The following CENPP variants were observed in gnomAD, a reference collection of about 807,000 sequenced individuals.
CENPP encodes centromere protein P.
In CENPP, 24 loss-of-function variants were observed where a neutral mutation model predicts 35.6. The observed-to-expected ratio is 0.67, with a 90% confidence interval of 0.49 to 0.95. The LOEUF (loss-of-function observed/expected upper bound fraction) is 0.95. Among genes scored for constraint, CENPP ranks in the 40% least tolerant of loss-of-function variants. CENPP has a pLI of 0.00. For synonymous variants in CENPP, 120 were observed against 125.5 expected (o/e 0.96, Z 0.29); for missense variants, 332 against 345.3 (o/e 0.96, Z 0.31).
chr9:92,433,505 A>G (rs1844170209), intron 5 of CENPP, among the ~76,000 whole-genome samples: 2 of 152,214 alleles, frequency 1.3e-5, no homozygotes, highest in South Asian at 2.1e-4. Context: ...TACATTAGGC[A>G]GAAAGATTAC....
At chr9:92,510,201 T>C (rs1029439329) in intron 5 of CENPP, among the ~76,000 whole-genome samples, 2 of 152,222 alleles carry the variant, frequency 1.3e-5, no homozygotes, top group Non-Finnish European at 2.9e-5. Context: ...CAGGTTGATA[T>C]TGATCCTGGT....
upstream of CENPP, chr9:92,325,850 T>C: frequency 1.7e-6 from 1 of 599,658 alleles, no homozygotes; most frequent in Non-Finnish European, 2.9e-6. Flanking sequence ...GCAGGGCCGC[T>C]GGGGTCACGC....
chr9:92,602,172 C>T (rs557923186), intron 5 of CENPP, among the ~76,000 whole-genome samples: 3 of 152,226 alleles, frequency 2.0e-5, no homozygotes, highest in South Asian at 4.1e-4. Context: ...TTGAGCATCA[C>T]GACCAATAGT....
At chr9:92,463,283 C>T (rs1018108865) in intron 5 of CENPP, among the ~76,000 whole-genome samples, 4 of 152,178 alleles carry the variant, frequency 2.6e-5, no homozygotes, top group Non-Finnish European at 5.9e-5. Flanking sequence ...CATCTTGCCA[C>T]AGGGGGTAAT....
intron 5 of CENPP, among the ~76,000 whole-genome samples, chr9:92,567,371 T>TAG (rs201820510): frequency 4.6e-5 from 4 of 86,712 alleles, no homozygotes; most frequent in South Asian, 3.5e-4. Flanking sequence ...TTACATAAGA[T>TAG]AGATATATAT....
intron 5 of CENPP, among the ~76,000 whole-genome samples, chr9:92,478,125 A>T (rs916940614): frequency 1.3e-5 from 2 of 151,994 alleles, no homozygotes; most frequent in Non-Finnish European, 2.9e-5. Context: ...TTTTCTTCCC[A>T]TGCATAGTTT....
At chr9:92,495,270 A>G (rs1846291966) in intron 5 of CENPP, 1 of 768,490 alleles carries the variant, frequency 1.3e-6, no homozygotes, top group Non-Finnish European at 1.6e-6. Context: ...CATAGTTTCT[A>G]TATGTGTCTT....
At chr9:92,547,190 G>A (rs532099875) in intron 5 of CENPP, among the ~76,000 whole-genome samples, 108 of 152,276 alleles carry the variant, frequency 7.1e-4, no homozygotes, top group Admixed American at 6.0e-3. Context: ...ACAGCCATTA[G>A]TGTTTTAAAA....
At chr9:92,383,816 A>G (rs970871820) in intron 5 of CENPP, among the ~76,000 whole-genome samples, 2 of 151,892 alleles carry the variant, frequency 1.3e-5, no homozygotes, top group Non-Finnish European at 2.9e-5. Context: ...ATTTTTTCTT[A>G]ATTTGAGAGT....
At chr9:92,374,275 G>GTGTA (rs1842076801) in intron 4 of CENPP, among the ~76,000 whole-genome samples, 6 of 150,544 alleles carry the variant, frequency 4.0e-5, no homozygotes, top group African/African-American at 1.5e-4. Context: ...GTGTGTGTGT[G>GTGTA]TGTGTGTATG....
intron 5 of CENPP, among the ~76,000 whole-genome samples, chr9:92,572,986 T>C (rs1850182716): frequency 6.6e-6 from 1 of 152,190 alleles, no homozygotes; most frequent in African/African-American, 2.4e-5. Context: ...TAGTTAGCCA[T>C]TCGTCTAATC....
At chr9:92,371,304 G>T (rs1841998848) in intron 4 of CENPP, among the ~76,000 whole-genome samples, 1 of 151,980 alleles carries the variant, frequency 6.6e-6, no homozygotes, top group South Asian at 2.1e-4. Context: ...TTTTGCTATG[G>T]TGTGTTTCCA....
chr9:92,440,868 G>A (rs1001872861), intron 5 of CENPP, among the ~76,000 whole-genome samples: 72 of 152,214 alleles, frequency 4.7e-4, no homozygotes, highest in African/African-American at 1.7e-3. Context: ...CGAGACTATT[G>A]TTCAGTAAGT....
chr9:92,341,918 T>C (rs1245154026), intron 3 of CENPP, among the ~76,000 whole-genome samples: 1 of 152,264 alleles, frequency 6.6e-6, no homozygotes, highest in Non-Finnish European at 1.5e-5. Flanking sequence ...TACTGTTAGC[T>C]CACATGCTGA....
At chr9:92,523,043 A>G in intron 5 of CENPP, 1 of 819,204 alleles carries the variant, frequency 1.2e-6, no homozygotes, top group Non-Finnish European at 1.8e-6. Flanking sequence ...TTATTGCCAA[A>G]TCATAATTTG....
intron 4 of CENPP, among the ~76,000 whole-genome samples, chr9:92,372,578 G>A (rs1030258172): frequency 4.6e-5 from 7 of 151,986 alleles, no homozygotes; most frequent in South Asian, 2.1e-4. Context: ...TCATCCTTTC[G>A]CCTCCAAGTT....
intron 2 of CENPP, among the ~76,000 whole-genome samples, chr9:92,335,003 A>G (rs1840879604): frequency 6.6e-6 from 1 of 151,628 alleles, no homozygotes; most frequent in Admixed American, 6.6e-5. Context: ...CCTGGCCAAC[A>G]TGGTGAAGCC....
At chr9:92,387,233 G>A (rs934916297) in intron 5 of CENPP, among the ~76,000 whole-genome samples, 1 of 151,766 alleles carries the variant, frequency 6.6e-6, no homozygotes, top group African/African-American at 2.4e-5. Context: ...ATTAACTGGT[G>A]TGGTAGCACA....
At chr9:92,467,458 G>T (rs1845357776) in intron 5 of CENPP, among the ~76,000 whole-genome samples, 1 of 152,218 alleles carries the variant, frequency 6.6e-6, no homozygotes. Flanking sequence ...TTGCCAGATT[G>T]TTCAAAGAGA....
Sources: gnomAD v4.1 joint callset for allele counts (sites outside exome capture counted in the v4.1 genomes callset) on GRCh38, gnomAD v4.1.1 for gene constraint, MANE v1.5 for transcripts, NCBI Gene and HGNC (gene_info 2026-07-23, HGNC 2026-07-21) for gene names.